GSG1L: variants seen among roughly 807,000 people sequenced by gnomAD.
GSG1L encodes the protein germ cell-specific gene 1-like protein.
Under a neutral mutation model 42.1 loss-of-function variants are expected in GSG1L, and 24 were observed. The observed-to-expected ratio is 0.57, with a 90% CI of 0.41 to 0.80. The LOEUF is 0.80. Ranked by LOEUF, GSG1L falls within the 30% of genes least tolerant of loss-of-function variation. GSG1L has a pLI of 0.00. For missense variants in GSG1L, 445 were observed against 472.2 expected, an observed-to-expected ratio of 0.94 and a Z score of 0.53; for synonymous variants, 215 against 203.5, an observed-to-expected ratio of 1.06 and a Z score of -0.48.
At chr16:27,793,256 T>C (rs1213227073) in intron 6 of GSG1L, among the ~76,000 whole-genome samples, 1 of 152,190 alleles carries the variant, frequency 6.6e-6, no homozygotes, top group East Asian at 1.9e-4. Context: ...GTTGTGTCCA[T>C]AGCTGGGGTG....
rs768727282 is a variant in GSG1L, at chr16:27,845,113, C to G, written c.551-52G>C. On this transcript the variant is annotated intron_variant, in intron 3 of 6. Coordinates refer to ENST00000447459, the MANE Select transcript of GSG1L (RefSeq NM_001109763.2). ...GTCAGGAAGTAAGGAAGGGCTTTGT[C>G]CCCACACACCCACAGCCTCTCTGCT... 7 of 1,202,282 alleles carry G rather than the reference C, an allele frequency of 5.8e-6. No individual in the cohort carries two copies. The South Asian group carries it at 9.1e-5, about 16-fold the overall frequency. The allele number at this position is 1,202,282 out of a possible 1,614,324, so 74.5% of individuals were successfully genotyped here.
At chr16:27,923,344 G>A (rs2084549168) in intron 2 of GSG1L, among the ~76,000 whole-genome samples, 1 of 152,084 alleles carries the variant, frequency 6.6e-6, no homozygotes, top group Non-Finnish European at 1.5e-5. Context: ...CACTCCCACA[G>A]CCCAAACACC....
At chr16:28,058,540 G>A (rs1432147717) in intron 1 of GSG1L, among the ~76,000 whole-genome samples, 3 of 150,444 alleles carry the variant, frequency 2.0e-5, no homozygotes, top group Non-Finnish European at 2.9e-5. Flanking sequence ...AAGGCGGGAG[G>A]ATGCCTGAGC....
chr16:28,041,906 C>T (rs1027838597), intron 1 of GSG1L, among the ~76,000 whole-genome samples: 2 of 152,200 alleles, frequency 1.3e-5, no homozygotes, highest in African/African-American at 4.8e-5. Context: ...AGAATCGCTC[C>T]AGGATCGCTC....
intron 4 of GSG1L, among the ~76,000 whole-genome samples, chr16:27,842,789 C>T (rs1382472227): frequency 1.3e-5 from 2 of 152,090 alleles, no homozygotes; most frequent in Non-Finnish European, 2.9e-5. Context: ...GGTATGGGGT[C>T]TTTTTTAAAA....
At chr16:27,888,666 G>A (rs1295588574) in intron 2 of GSG1L, among the ~76,000 whole-genome samples, 1 of 150,670 alleles carries the variant, frequency 6.6e-6, no homozygotes, top group Admixed American at 6.7e-5. Flanking sequence ...CACCCAGGCT[G>A]GAGTGCAGTG....
chr16:27,912,335 G>A (rs1241376049), intron 2 of GSG1L, among the ~76,000 whole-genome samples: 2 of 152,160 alleles, frequency 1.3e-5, no homozygotes. Context: ...GCAACATAGT[G>A]AGACCTGGTC....
chr16:27,923,820 A>T (rs1358195503), intron 2 of GSG1L, among the ~76,000 whole-genome samples: 1 of 152,004 alleles, frequency 6.6e-6, no homozygotes, highest in African/African-American at 2.4e-5. Flanking sequence ...GTGCCAGAAA[A>T]ACCAATTACA....
intron 6 of GSG1L, among the ~76,000 whole-genome samples, chr16:27,800,569 G>T (rs531833380): frequency 6.6e-6 from 1 of 152,218 alleles, no homozygotes; most frequent in Non-Finnish European, 1.5e-5. Flanking sequence ...CTCCTGAGCT[G>T]GCTGGTGGCG....
At chr16:27,959,857 A>G (rs572695374) in intron 2 of GSG1L, among the ~76,000 whole-genome samples, 1 of 152,300 alleles carries the variant, frequency 6.6e-6, no homozygotes, top group East Asian at 1.9e-4. Flanking sequence ...CACTTACAAG[A>G]TTGTGGCAGG....
At chr16:28,009,205 T>C (rs1261382968) in intron 1 of GSG1L, among the ~76,000 whole-genome samples, 1 of 152,104 alleles carries the variant, frequency 6.6e-6, no homozygotes, top group African/African-American at 2.4e-5. Context: ...TCTCCCTCAA[T>C]CATTGTGCTC....
chr16:27,810,001 G>C (rs956315427), intron 5 of GSG1L, among the ~76,000 whole-genome samples: 1 of 152,248 alleles, frequency 6.6e-6, no homozygotes, highest in Non-Finnish European at 1.5e-5. Context: ...AGAAGGGAGA[G>C]AGATACTCAT....
intron 1 of GSG1L, among the ~76,000 whole-genome samples, chr16:28,051,675 G>A (rs531734756): frequency 6.6e-6 from 1 of 152,344 alleles, no homozygotes; most frequent in South Asian, 2.1e-4. Flanking sequence ...ACGTGCAAAG[G>A]CCCTGGGGCA....
At chr16:27,896,908 G>C (rs2084198470) in intron 2 of GSG1L, among the ~76,000 whole-genome samples, 1 of 152,222 alleles carries the variant, frequency 6.6e-6, no homozygotes, top group Non-Finnish European at 1.5e-5. Context: ...CTGCTGCCCA[G>C]GCTGGAGTGC....
In GSG1L at chr16:28,051,902, C is replaced by T. The variant is rs550482769; in HGVS notation, c.349+11174G>A. On this transcript the variant is annotated intron_variant, in intron 1 of 6. Coordinates refer to ENST00000447459, the MANE Select transcript of GSG1L (RefSeq NM_001109763.2). ...CAGTATGCAGTAGGATTGCTCAGCA[C>T]GGTGGGGGATAAACAGAAGCAGGAT... 2.4e-4 allele frequency among the ~76,000 whole-genome samples: 36 copies of T among 152,172 alleles called. No individual in the cohort carries two copies. The South Asian group carries it at 7.3e-3, about 31-fold the overall frequency.
intron 5 of GSG1L, among the ~76,000 whole-genome samples, chr16:27,808,922 A>G (rs2082999202): frequency 6.6e-6 from 1 of 152,192 alleles, no homozygotes; most frequent in Non-Finnish European, 1.5e-5. Flanking sequence ...GGCCTCTGAC[A>G]CAGCTCCAAA....
At chr16:27,877,574 C>T (rs569977426) in intron 3 of GSG1L, among the ~76,000 whole-genome samples, 3 of 152,288 alleles carry the variant, frequency 2.0e-5, no homozygotes, top group Middle Eastern at 3.4e-3. Flanking sequence ...TCACCAACTT[C>T]CCATTCCCTT....
chr16:27,950,249 G>A (rs1368454102), intron 2 of GSG1L, among the ~76,000 whole-genome samples: 5 of 152,172 alleles, frequency 3.3e-5, no homozygotes, highest in Admixed American at 3.3e-4. Context: ...TATTTGCCAT[G>A]GAGAAACTGT....
intron 1 of GSG1L, among the ~76,000 whole-genome samples, chr16:28,014,016 C>A (rs2085753783): frequency 6.6e-6 from 1 of 152,220 alleles, no homozygotes; most frequent in Non-Finnish European, 1.5e-5. Flanking sequence ...AGCTGCCCCA[C>A]CAACCAGGAC....
Sources: gnomAD v4.1 joint callset for allele counts (sites outside exome capture counted in the v4.1 genomes callset) on GRCh38, gnomAD v4.1.1 for gene constraint, MANE v1.5 for transcripts, NCBI Gene and HGNC (gene_info 2026-07-23, HGNC 2026-07-21) for gene names.